The following OR2T33 variants were observed in gnomAD, a reference collection of about 807,000 sequenced individuals.
OR2T33 encodes the protein olfactory receptor 2T33.
Under a neutral mutation model 14.0 loss-of-function variants are expected in OR2T33, and 10 were observed. The ratio of observed to expected loss-of-function variants is 0.72; its 90% CI spans 0.44 to 1.22. The LOEUF (loss-of-function observed/expected upper bound fraction) is 1.22, where lower values mean the gene tolerates loss of function less well. Ranked by LOEUF, OR2T33 falls within the 50% of genes most tolerant of loss-of-function variation. The pLI, the probability that OR2T33 is intolerant of heterozygous loss-of-function variation, is 0.00. For missense variants in OR2T33, 276 were observed against 405.9 expected, an observed-to-expected ratio of 0.68 and a Z score of 2.75; for synonymous variants, 103 against 159.4, an observed-to-expected ratio of 0.65 and a Z score of 2.66.
rs1172582557 is a variant in OR2T33, at chr1:248,271,438, A to C, written c.*1414T>G. 6.6e-6 allele frequency: 1 copy of C among 152,180 alleles called. No homozygotes were observed. Among genetic ancestry groups the C allele is most frequent in the African/African-American group, 2.4e-5 (1 of 41,448 alleles). 9.4% of individuals were successfully genotyped at this position (152,180 alleles called of 1,614,324 possible). A position where few individuals can be genotyped will look rare whatever the true frequency, so the allele number is the denominator to read the frequency against. On this transcript the variant is annotated 3_prime_UTR_variant, in exon 2 of 2. Coordinates refer to ENST00000641220, the MANE Select transcript of OR2T33 (RefSeq NM_001004695.2). ...ATTAACAAGAGTAGCAAACAAAAGTATCAAACAGATGACACTCTCTCCTTT... is the reference window on the plus strand; with the variant it reads ...ATTAACAAGAGTAGCAAACAAAAGTCTCAAACAGATGACACTCTCTCCTTT...
rs753053395 is a variant in OR2T33 at position 248,272,803 on chromosome 1, G to T, written c.*49C>A. 1.1e-4 allele frequency: 173 copies of T among 1,546,006 alleles called. 1 individual carries two copies. The highest frequency in any genetic ancestry group is 1.5e-4 in the Non-Finnish European group (169 of 1,150,780). ...ATTGCTAAAGGGAGAGAATAACAAT[G>T]TGTTAAAATATTAATAAATTCAGGA... On this transcript the variant is annotated 3_prime_UTR_variant, in exon 2 of 2. Transcript: ENST00000641220.
rs1037239919 is a variant in OR2T33 at position 248,271,029 on chromosome 1, G to C, written c.*1823C>G. ...CAATGACTGGTCAGCATCTAAGAAG[G>C]CACTGAACTTCATTATTCTCTAGGT... On this transcript the variant is annotated 3_prime_UTR_variant, in exon 2 of 2. Coordinates refer to ENST00000641220, the MANE Select transcript of OR2T33 (RefSeq NM_001004695.2). 3 of 152,036 alleles carry C rather than the reference G, an allele frequency of 2.0e-5. No individual in the cohort carries two copies. Among genetic ancestry groups the C allele is most frequent in the African/African-American group, 7.2e-5 (3 of 41,390 alleles). 9.4% of individuals were successfully genotyped at this position (152,036 alleles called of 1,614,324 possible).
At chr1:248,276,659 C>A (rs1438246858) in intron 1 of OR2T33, among the ~76,000 whole-genome samples, 1 of 151,926 alleles carries the variant, frequency 6.6e-6, no homozygotes, top group Non-Finnish European at 1.5e-5. Flanking sequence ...TTGTTTTTTT[C>A]TTTAACATTA....
chr1:248,272,653 G>T lies in OR2T33; in HGVS notation c.*199C>A. 1.5e-6 allele frequency: 1 copy of T among 651,950 alleles called. No homozygotes were observed. Among genetic ancestry groups the T allele is most frequent in the Non-Finnish European group, 2.5e-6 (1 of 395,964 alleles). The allele number at this position is 651,950 out of a possible 1,614,324, so 40.4% of individuals were successfully genotyped here. A position where few individuals can be genotyped will look rare whatever the true frequency, so the allele number is the denominator to read the frequency against. On this transcript the variant is annotated 3_prime_UTR_variant, in exon 2 of 2. Coordinates refer to ENST00000641220, the MANE Select transcript of OR2T33 (RefSeq NM_001004695.2). ...GTTGTAGGATACAAAGTAATCCATA[G>T]ATACTACTTCACTTGAAGAAAAGTA... is the stretch of plus-strand genomic sequence containing the variant.
At position 248,273,151 on chromosome 1, in the gene OR2T33, C is replaced by T. The variant is rs1328261145; in HGVS notation, c.664G>A (p.Ala222Thr). The T allele has an allele frequency of 6.2e-7, 1 of 1,610,880 alleles. No individual in the cohort carries two copies. Among genetic ancestry groups the T allele is most frequent in the Non-Finnish European group, 8.5e-7 (1 of 1,179,250 alleles). The change falls in exon 2 of 2, where the codon GCT (alanine) becomes ACT (threonine). Residue 222 changes from alanine (A) to threonine (T), a missense_variant. Coordinates refer to ENST00000641220, the MANE Select transcript of OR2T33 (RefSeq NM_001004695.2). Reference protein sequence around the residue: ...ILSSYGLILAAVLHMRSTEAR... With the variant: ...ILSSYGLILATVLHMRSTEAR... ...TCTGTAGAGCGCATGTGCAGAACAG[C>T]AGCGAGGATGAGACCATAGGAGGAC...
chr1:248,274,906 G>A (rs1659430623), intron 1 of OR2T33, among the ~76,000 whole-genome samples: 1 of 152,120 alleles, frequency 6.6e-6, no homozygotes, highest in South Asian at 2.1e-4. Context: ...CAAAGTAACT[G>A]AGCTAACAAA....
Position 248,273,073 on chromosome 1 carries a change from G to A in OR2T33, c.742C>T (p.Leu248Phe). Residue 248 changes from leucine (L) to phenylalanine (F), a missense_variant, in exon 2 of 2, where the codon CTC becomes TTC. Transcript: ENST00000641220. ...TCSSHVAVVG[L>F]FYGAAIFTYM... is the part of the protein sequence containing the mutation. Reference sequence around the variant, plus strand: ...GTAAAAATGGCAGCTCCATAAAAGAGTCCCACCACAGCCACATGTGAAGAG... The same window carrying A: ...GTAAAAATGGCAGCTCCATAAAAGAATCCCACCACAGCCACATGTGAAGAG... 1 of 1,613,094 alleles carries A rather than the reference G, an allele frequency of 6.2e-7. No homozygotes were observed. The highest frequency in any genetic ancestry group is 1.7e-5 in the Admixed American group (1 of 59,992).
chr1:248,274,422 C>T (rs1032893291), intron 1 of OR2T33, among the ~76,000 whole-genome samples: 1 of 152,174 alleles, frequency 6.6e-6, no homozygotes, highest in Admixed American at 6.5e-5. Context: ...CCTCCCACTA[C>T]ATACCTTCTT....
At chr1:248,277,349 G>C (rs1659459657) in intron 1 of OR2T33, among the ~76,000 whole-genome samples, 1 of 151,996 alleles carries the variant, frequency 6.6e-6, no homozygotes, top group Non-Finnish European at 1.5e-5. Flanking sequence ...TGGAACAATA[G>C]AGTTCCACTC....
rs576237467 is a variant in OR2T33, at chr1:248,272,045, T to C, written c.*807A>G. 3.8e-4 allele frequency: 58 copies of C among 152,342 alleles called. No individual in the cohort carries two copies. Among genetic ancestry groups the C allele is most frequent in the African/African-American group, 1.3e-3 (56 of 41,582 alleles). 9.4% of individuals were successfully genotyped at this position (152,342 alleles called of 1,614,324 possible). A position where few individuals can be genotyped will look rare whatever the true frequency, so the allele number is the denominator to read the frequency against. On this transcript the variant is annotated 3_prime_UTR_variant, in exon 2 of 2. Coordinates refer to ENST00000641220, the MANE Select transcript of OR2T33 (RefSeq NM_001004695.2). ...TAAGGTTGTTGAGTGTTACTCAGTT[T>C]TGATAATTCATTGTTAGTAACTGTC...
chr1:248,273,100 A>G lies in OR2T33; in HGVS notation c.715T>C (p.Cys239Arg), dbSNP rs1659396477. ...TEARKKAFAT[C>R]SSHVAVVGLF... ...CCCACCACAGCCACATGTGAAGAGCAGGTGGCAAAGGCCTTCTTGCGGGCT... is the reference window on the plus strand; with the variant it reads ...CCCACCACAGCCACATGTGAAGAGCGGGTGGCAAAGGCCTTCTTGCGGGCT... Residue 239 changes from cysteine (C) to arginine (R), a missense_variant, in exon 2 of 2, where the codon TGC becomes CGC. By Grantham distance (180) the Cys-to-Arg change is radical. Coordinates refer to ENST00000641220, the MANE Select transcript of OR2T33 (RefSeq NM_001004695.2). The G allele has an allele frequency of 6.2e-7, 1 of 1,612,360 alleles. No homozygotes were observed. Among genetic ancestry groups the G allele is most frequent in the Non-Finnish European group, 8.5e-7 (1 of 1,179,834 alleles).
Position 248,273,273 on chromosome 1 carries a change from A to G in OR2T33, c.542T>C (p.Val181Ala). 1 of 1,610,716 alleles carries G rather than the reference A, an allele frequency of 6.2e-7. No individual in the cohort carries two copies. The highest frequency in any genetic ancestry group is 1.1e-5 in the South Asian group (1 of 90,904). ...EIDHFFCETP[V>A]LVRLACADTS... The stretch of plus-strand genomic sequence containing the variant: ...GTCAGCACAAGCCAAACGCACCAGC[A>G]CGGGGGTCTCGCAGAAGAAGTGATC... Residue 181 changes from valine (V) to alanine (A), a missense_variant, in exon 2 of 2, where the codon GTG becomes GCG. By Grantham distance (64) the Val-to-Ala change is moderately conservative (BLOSUM62 0). Transcript: ENST00000641220.
Position 248,277,876 on chromosome 1 carries a change from C to T in OR2T33, c.-120G>A, listed in dbSNP as rs1382893962. ...TAGTGTTGTGGATACTGCTTTGTGC[C>T]TCTGGTCTCATGCTCTATTTAGTTA... On this transcript the variant is annotated 5_prime_UTR_variant, in exon 1 of 2. Coordinates refer to ENST00000641220, the MANE Select transcript of OR2T33 (RefSeq NM_001004695.2). 1 of 152,060 alleles carries T rather than the reference C, an allele frequency of 6.6e-6. No homozygotes were observed. The highest frequency in any genetic ancestry group is 1.5e-5 in the Non-Finnish European group (1 of 68,008). 9.4% of individuals were successfully genotyped at this position (152,060 alleles called of 1,614,324 possible).
intron 1 of OR2T33, among the ~76,000 whole-genome samples, chr1:248,277,435 T>C (rs1006028905): frequency 6.6e-6 from 1 of 152,128 alleles, no homozygotes; most frequent in Non-Finnish European, 1.5e-5. Flanking sequence ...AAGCTATTGA[T>C]ATAACATGGG....
intron 1 of OR2T33, among the ~76,000 whole-genome samples, chr1:248,275,656 C>G (rs1659438914): frequency 6.6e-6 from 1 of 151,894 alleles, no homozygotes; most frequent in Non-Finnish European, 1.5e-5. Context: ...GTGTAATGAA[C>G]CTGCATGTTT....
rs1659364996 is a variant in OR2T33 at position 248,271,087 on chromosome 1, A to G, written c.*1765T>C. 1.3e-5 allele frequency: 2 copies of G among 152,190 alleles called. No individual in the cohort carries two copies. Among genetic ancestry groups the G allele is most frequent in the African/African-American group, 4.8e-5 (2 of 41,428 alleles). The allele number at this position is 152,190 out of a possible 1,614,324, so 9.4% of individuals were successfully genotyped here. ...TATTTTAAAATGACATAAAGATACCACCACTAGAAGGGTTAAAATTAAAAA... is the reference window on the plus strand; with the variant it reads ...TATTTTAAAATGACATAAAGATACCGCCACTAGAAGGGTTAAAATTAAAAA... On this transcript the variant is annotated 3_prime_UTR_variant, in exon 2 of 2. Transcript: ENST00000641220.
In OR2T33 at chr1:248,273,037, G is replaced by C. The variant is rs1340307031; in HGVS notation, c.778C>G (p.Pro260Ala). Residue 260 changes from proline to alanine, a missense_variant, in exon 2 of 2, where the codon CCC (proline) becomes GCC (alanine). Coordinates refer to ENST00000641220, the MANE Select transcript of OR2T33 (RefSeq NM_001004695.2). ...TGGTTAGTGGACCTATGGGATTTGG[G>C]TCTCATATAGGTAAAAATGGCAGCT... ...YGAAIFTYMR[P>A]KSHRSTNHDK... 14 of 1,613,816 alleles carry C rather than the reference G, an allele frequency of 8.7e-6. No homozygotes were observed. Among genetic ancestry groups the C allele is most frequent in the Non-Finnish European group, 1.2e-5 (14 of 1,179,928 alleles).
Position 248,272,512 on chromosome 1 carries a change from C to A in OR2T33, c.*340G>T. On this transcript the variant is annotated 3_prime_UTR_variant, in exon 2 of 2. Coordinates refer to ENST00000641220, the MANE Select transcript of OR2T33 (RefSeq NM_001004695.2). ...CAGGTTAAGGAACAAGCTCTGGAGTCACTTCTTATTATTTCCGTGCTGTGT... is the reference window on the plus strand; with the variant it reads ...CAGGTTAAGGAACAAGCTCTGGAGTAACTTCTTATTATTTCCGTGCTGTGT... The A allele has an allele frequency of 4.3e-6, 1 of 231,432 alleles. No homozygotes were observed. The highest frequency in any genetic ancestry group is 8.2e-5 in the South Asian group (1 of 12,160). The allele number at this position is 231,432 out of a possible 1,614,324, so 14.3% of individuals were successfully genotyped here.
rs563648931 is a variant in OR2T33 at position 248,271,746 on chromosome 1, T to C, written c.*1106A>G. ...TGTCCCACTGTGTGTTTAAAACTTA[T>C]ATTATTTCTTAAGTGTGTTTTACAT... On this transcript the variant is annotated 3_prime_UTR_variant, in exon 2 of 2. Coordinates refer to ENST00000641220, the MANE Select transcript of OR2T33 (RefSeq NM_001004695.2). 2 of 152,330 alleles carry C rather than the reference T, an allele frequency of 1.3e-5. No homozygotes were observed. Among genetic ancestry groups the C allele is most frequent in the South Asian group, 2.1e-4 (1 of 4,832 alleles). The allele number at this position is 152,330 out of a possible 1,614,324, so 9.4% of individuals were successfully genotyped here.
Sources: allele counts gnomAD v4.1 joint callset (sites outside exome capture counted in the v4.1 genomes callset), GRCh38; gene constraint gnomAD v4.1.1; transcripts MANE v1.5; gene names NCBI Gene and HGNC (gene_info 2026-07-23, HGNC 2026-07-21).